The following MTREX variants were observed in gnomAD, a reference collection of about 807,000 sequenced individuals.
MTREX encodes exosome RNA helicase MTR4.
Under a neutral mutation model 135.4 loss-of-function variants are expected in MTREX, and 76 were observed. That is an observed-to-expected ratio of 0.56 (90% confidence interval 0.47 to 0.68). The LOEUF (loss-of-function observed/expected upper bound fraction) is 0.68. Ranked by LOEUF, MTREX falls within the 30% of genes least tolerant of loss-of-function variation. The pLI is 0.00. For missense variants in MTREX, 920 were observed against 1,262.1 expected (o/e 0.73, Z 4.11); for synonymous variants, 404 against 401.6 (o/e 1.01, Z -0.07).
intron 5 of MTREX, among the ~76,000 whole-genome samples, chr5:55,338,476 A>G (rs1749588738): frequency 6.6e-6 from 1 of 151,484 alleles, no homozygotes; most frequent in Non-Finnish European, 1.5e-5. Context: ...GTTTCTAGGT[A>G]TGGTTCTTTT....
chr5:55,322,386 A>T lies in MTREX; in HGVS notation c.194A>T (p.Asp65Val). The stretch of plus-strand genomic sequence containing the variant: ...ACTAATAATGGAAAAAATAAGAGAG[A>T]TGTAGATTTCGAAGGTACAGATGAA... ...ESTNNGKNKR[D>V]VDFEGTDEPI... is the part of the protein sequence containing the mutation. Residue 65 changes from aspartate (D) to valine (V), a missense_variant, in exon 2 of 27, where the codon GAT (aspartate) becomes GTT (valine). This residue lies in a region of MTREX where 136 missense variants were observed against 126.7 expected (regional missense o/e 1.07). Coordinates refer to ENST00000230640, the MANE Select transcript of MTREX (RefSeq NM_015360.5). The T allele has an allele frequency of 3.1e-6, 5 of 1,609,696 alleles. No homozygotes were observed. Among genetic ancestry groups the T allele is most frequent in the Non-Finnish European group, 4.2e-6 (5 of 1,177,078 alleles).
intron 14 of MTREX, among the ~76,000 whole-genome samples, chr5:55,354,718 C>T (rs143592466): frequency 2.2e-4 from 33 of 152,312 alleles, no homozygotes; most frequent in African/African-American, 7.9e-4. Flanking sequence ...GAGTGGGAGC[C>T]AAACCCTCTG....
chr5:55,335,448 C>T (rs1485855920), intron 5 of MTREX, among the ~76,000 whole-genome samples: 3 of 151,982 alleles, frequency 2.0e-5, no homozygotes, highest in Non-Finnish European at 2.9e-5. Flanking sequence ...ATTAGTTCTT[C>T]CATTTAGATC....
At chr5:55,321,001 T>G (rs1749280655) in intron 1 of MTREX, among the ~76,000 whole-genome samples, 1 of 152,140 alleles carries the variant, frequency 6.6e-6, no homozygotes, top group South Asian at 2.1e-4. Context: ...ACATGAGAGA[T>G]TTGGAAAAAT....
intron 18 of MTREX, among the ~76,000 whole-genome samples, chr5:55,381,476 C>CA (rs1425635944): frequency 6.6e-6 from 1 of 152,156 alleles, no homozygotes; most frequent in Admixed American, 6.5e-5. Flanking sequence ...TCATTAATCT[C>CA]AAAGTATTTT....
intron 11 of MTREX, among the ~76,000 whole-genome samples, chr5:55,348,174 G>A (rs1025855582): frequency 1.8e-4 from 27 of 152,184 alleles, no homozygotes; most frequent in African/African-American, 6.3e-4. Context: ...CATCTAGTGA[G>A]GGCCTTTTTT....
rs760862419 is a variant in MTREX, at chr5:55,400,407, G to GA, written c.2475dup (p.Ala826SerfsTer8). 5.0e-5 allele frequency: 78 copies of GA among 1,574,986 alleles called. No individual in the cohort carries two copies. Among genetic ancestry groups the GA allele is most frequent in the South Asian group, 1.9e-4 (16 of 84,824 alleles). Reference sequence around the variant, plus strand: ...TTTGGAAACTGTGTATACGCTTTGTGAAAAAAAAGCACAGGTATGGCAGAA... The same window carrying GA: ...TTTGGAAACTGTGTATACGCTTTGTGAAAAAAAAAGCACAGGTATGGCAGAA... On this transcript the variant is annotated frameshift_variant, in exon 21 of 27. Coordinates refer to ENST00000230640, the MANE Select transcript of MTREX (RefSeq NM_015360.5). LOFTEE classifies it high-confidence loss of function.
intron 3 of MTREX, among the ~76,000 whole-genome samples, chr5:55,326,039 G>A (rs2112036544): frequency 6.6e-6 from 1 of 152,288 alleles, no homozygotes; most frequent in African/African-American, 2.4e-5. Context: ...CAGGTGTGAT[G>A]TCCATTTGAT....
intron 5 of MTREX, among the ~76,000 whole-genome samples, chr5:55,332,658 A>T (rs1669137009): frequency 6.6e-6 from 1 of 152,212 alleles, no homozygotes; most frequent in African/African-American, 2.4e-5. Flanking sequence ...TTGTCCTTTT[A>T]ACTGGGGCCC....
At chr5:55,416,612 C>T (rs1019014822) in intron 25 of MTREX, among the ~76,000 whole-genome samples, 6 of 151,954 alleles carry the variant, frequency 3.9e-5, no homozygotes, top group African/African-American at 1.5e-4. Flanking sequence ...ATAATTGTTA[C>T]TCAACTGAAG....
At position 55,378,440 on chromosome 5, in the gene MTREX, A is replaced by G. The variant is rs775535962; in HGVS notation, c.1937A>G (p.Lys646Arg). The G allele has an allele frequency of 6.2e-7, 1 of 1,612,114 alleles. No individual in the cohort carries two copies. The highest frequency in any genetic ancestry group is 2.2e-5 in the East Asian group (1 of 44,634). ...LGKEIEEYIHKPKYCLPFLQP... is the reference protein window; with the variant it reads ...LGKEIEEYIHRPKYCLPFLQP... ...AAAGAAATTGAAGAATATATTCACA[A>G]ACCAAAATACTGCTTACCTTTTCTA... The change falls in exon 17 of 27, where the codon AAA (lysine) becomes AGA (arginine). Residue 646 changes from lysine (K) to arginine (R), a missense_variant. Physicochemically the swap from Lys to Arg is conservative, Grantham distance 26 (BLOSUM62 2). Around this residue, in one of 6 missense-constraint regions of MTREX, gnomAD observed 467 missense variants for 589.7 expected, o/e 0.79. Transcript: ENST00000230640.
chr5:55,320,599 G>A (rs969131468), intron 1 of MTREX, among the ~76,000 whole-genome samples: 1 of 152,166 alleles, frequency 6.6e-6, no homozygotes, highest in Non-Finnish European at 1.5e-5. Context: ...CATCCACGCA[G>A]CCACCATTCT....
intron 21 of MTREX, among the ~76,000 whole-genome samples, chr5:55,404,804 T>C (rs1750776348): frequency 6.6e-6 from 1 of 151,692 alleles, no homozygotes. Context: ...TCTCTTTTTT[T>C]TTTTTCTTTT....
At chr5:55,377,068 G>A (rs563022534) in intron 16 of MTREX, among the ~76,000 whole-genome samples, 1 of 152,214 alleles carries the variant, frequency 6.6e-6, no homozygotes, top group African/African-American at 2.4e-5. Context: ...GGTGGCTCAT[G>A]TCTGTAATCC....
chr5:55,356,865 C>A, intron 14 of MTREX: 1 of 163,828 alleles, frequency 6.1e-6, no homozygotes. Context: ...TGATGATGAT[C>A]TTGGAGTCAG....
At chr5:55,368,620 C>T (rs1464041548) in intron 16 of MTREX, among the ~76,000 whole-genome samples, 1 of 152,056 alleles carries the variant, frequency 6.6e-6, no homozygotes, top group Non-Finnish European at 1.5e-5. Flanking sequence ...TAGATGGGGT[C>T]TTGCTCTGTC....
In MTREX at chr5:55,322,341, G is replaced by C; in HGVS notation, c.149G>C (p.Gly50Ala). The change falls in exon 2 of 27, where the codon GGT (glycine) becomes GCT (alanine). Residue 50 changes from glycine (G) to alanine (A), a missense_variant. By Grantham distance (60) the Gly-to-Ala change is moderately conservative (BLOSUM62 0). This residue lies in a region of MTREX where 136 missense variants were observed against 126.7 expected (regional missense o/e 1.07). Coordinates refer to ENST00000230640, the MANE Select transcript of MTREX (RefSeq NM_015360.5). ...TTACTTTTCAGGAAACGTTTTGATGGTAAATTACAATCAGAATCAACTAAT... is the reference window on the plus strand; with the variant it reads ...TTACTTTTCAGGAAACGTTTTGATGCTAAATTACAATCAGAATCAACTAAT... ...SADKAGKRFDGKLQSESTNNG... is the reference protein window; with the variant it reads ...SADKAGKRFDAKLQSESTNNG... 1.2e-6 allele frequency: 2 copies of C among 1,601,004 alleles called. No homozygotes were observed. Among genetic ancestry groups the C allele is most frequent in the Non-Finnish European group, 1.7e-6 (2 of 1,175,602 alleles).
intron 1 of MTREX, among the ~76,000 whole-genome samples, chr5:55,318,400 A>G (rs527761587): frequency 6.6e-6 from 1 of 152,372 alleles, no homozygotes; most frequent in South Asian, 2.1e-4. Flanking sequence ...TTGGATAAAG[A>G]AAATGTGGTA....
At chr5:55,409,062 C>T (rs1227412056) in intron 22 of MTREX, among the ~76,000 whole-genome samples, 1 of 152,026 alleles carries the variant, frequency 6.6e-6, no homozygotes, top group Non-Finnish European at 1.5e-5. Context: ...AGTGATCCTC[C>T]CACCTCAGCC....
Sources: allele counts gnomAD v4.1 joint callset (sites outside exome capture counted in the v4.1 genomes callset), GRCh38; gene constraint gnomAD v4.1.1; regional missense constraint gnomAD v4.1.1; transcripts MANE v1.5; gene names NCBI Gene and HGNC (gene_info 2026-07-23, HGNC 2026-07-21).